ADGRV1: variants seen among roughly 807,000 people sequenced by gnomAD.
ADGRV1 encodes adhesion G protein-coupled receptor V1.
In ADGRV1, 359 loss-of-function variants were observed where a neutral mutation model predicts 596.2. That is an observed-to-expected ratio of 0.60 (90% CI 0.55 to 0.66). ADGRV1 has a LOEUF of 0.66. Ranked by LOEUF, ADGRV1 falls within the 30% of genes least tolerant of loss-of-function variation. The probability of loss-of-function intolerance (pLI) is 0.00; values close to 1 mark genes in which losing one functional copy is unlikely to be tolerated. For missense variants in ADGRV1, 7,274 were observed against 7,575.6 expected (o/e 0.96, Z 1.48); for synonymous variants, 2,681 against 2,679.2 (o/e 1.00, Z -0.02).
At chr5:90,846,564 C>A (rs894801289) in intron 78 of ADGRV1, 1 of 157,790 alleles carries the variant, frequency 6.3e-6, no homozygotes, top group South Asian at 2.0e-4. Context: ...TTTGTTCCTT[C>A]TGAGGTTCGG....
chr5:91,063,002 A>G (rs1787580174), intron 85 of ADGRV1, among the ~76,000 whole-genome samples: 1 of 122,420 alleles, frequency 8.2e-6, no homozygotes, highest in Non-Finnish European at 1.6e-5. Flanking sequence ...TCTGTTACCC[A>G]GGCTGGAGTG....
chr5:90,900,046 C>T (rs1463839938), intron 83 of ADGRV1, among the ~76,000 whole-genome samples: 5 of 152,120 alleles, frequency 3.3e-5, no homozygotes, highest in African/African-American at 9.7e-5. Flanking sequence ...TTTTTCTCAG[C>T]GAATTTCATG....
chr5:90,691,141 T>A, intron 31 of ADGRV1, 100 bp downstream of exon 31: 1 of 1,415,726 alleles, frequency 7.1e-7, no homozygotes, highest in Non-Finnish European at 1.0e-6. Flanking sequence ...GGATGTCAAA[T>A]AAATTATTCC....
chr5:90,771,475 T>C (rs75749947), intron 59 of ADGRV1, among the ~76,000 whole-genome samples: 2,074 of 152,280 alleles, frequency 0.014, 52 homozygotes, highest in African/African-American at 0.047. Context: ...AACTAACCAA[T>C]TTACAGACAT....
chr5:91,153,671 G>A (rs1384289691), intron 89 of ADGRV1, among the ~76,000 whole-genome samples: 1 of 152,196 alleles, frequency 6.6e-6, no homozygotes, highest in Admixed American at 6.5e-5. Context: ...AGAACACCAA[G>A]ATACTATTAA....
Position 90,776,566 on chromosome 5 carries a change from G to A in ADGRV1, c.12517G>A (p.Ala4173Thr), listed in dbSNP as rs759199541. The change falls in exon 61 of 90, where the codon GCT (alanine) becomes ACT (threonine). Residue 4173 changes from alanine to threonine, a missense_variant. Around this residue, in one of 5 missense-constraint regions of ADGRV1, gnomAD observed 3,643 missense variants for 3,809.2 expected, o/e 0.96. Transcript: ENST00000405460. ...GEPSAKYNGT[A>T]IISLVRGPGI... ...ACCCTCAGCAAAATATAATGGTACC[G>A]CTATTATCAGGTAAGGACTTCATGA... is the stretch of plus-strand genomic sequence containing the variant. 1.1e-5 allele frequency: 17 copies of A among 1,613,074 alleles called. No individual in the cohort carries two copies. The highest frequency in any genetic ancestry group is 4.5e-5 in the East Asian group (2 of 44,868).
chr5:91,083,128 A>C (rs1379012749), intron 86 of ADGRV1, among the ~76,000 whole-genome samples: 1 of 152,126 alleles, frequency 6.6e-6, no homozygotes, highest in Non-Finnish European at 1.5e-5. Context: ...ATTCTCAGCA[A>C]AGTGTCGCAA....
chr5:90,798,771 C>T (rs986559302), intron 70 of ADGRV1, among the ~76,000 whole-genome samples: 14 of 152,154 alleles, frequency 9.2e-5, no homozygotes, highest in African/African-American at 3.1e-4. Context: ...GCTGGTTCAA[C>T]ATATGCAAAT....
intron 60 of ADGRV1, among the ~76,000 whole-genome samples, chr5:90,774,905 T>A (rs1049248954): frequency 4.6e-5 from 7 of 152,202 alleles, no homozygotes; most frequent in Admixed American, 3.9e-4. Flanking sequence ...ACATTATTTT[T>A]AAATGTGTCA....
At chr5:91,043,515 T>C (rs1479541235) in intron 85 of ADGRV1, among the ~76,000 whole-genome samples, 1 of 152,118 alleles carries the variant, frequency 6.6e-6, no homozygotes. Context: ...AGACCAATGC[T>C]TGGGTTCAAA....
chr5:90,840,829 A>G lies in ADGRV1; in HGVS notation c.16863A>G (p.Ser5621=). 1 of 1,613,788 alleles carries G rather than the reference A, an allele frequency of 6.2e-7. No homozygotes were observed. The highest frequency in any genetic ancestry group is 8.5e-7 in the Non-Finnish European group (1 of 1,179,694). Residue 5621 remains serine, a synonymous_variant, in exon 78 of 90, where the codon TCA becomes TCG. Transcript: ENST00000405460. ...GGACTGCCAACATCACTCTTGTCTC[A>G]GATGCAGATTCGCAGGCCATTTGGG... ...VYGTANITLV[S]DADSQAIWGL... is the part of the protein sequence containing the mutation.
chr5:90,753,829 G>C lies in ADGRV1; in HGVS notation c.11377G>C (p.Glu3793Gln). ...CTTCATTAGAGTAGCAGAGCCTAAA[G>C]GTAAATATTGTTAAATATCTTTCAA... ...SVFIRVAEPK[E>Q]NTTTLQLQIA... The change falls in exon 54 of 90, where the codon GAA becomes CAA. Residue 3793 changes from glutamate (E) to glutamine (Q), a missense_variant and splice_region_variant. Glu to Gln is a conservative substitution (Grantham distance 29). Transcript: ENST00000405460. 6.3e-7 allele frequency: 1 copy of C among 1,589,310 alleles called. No individual in the cohort carries two copies. The highest frequency in any genetic ancestry group is 8.6e-7 in the Non-Finnish European group (1 of 1,166,416).
At chr5:90,632,494 A>G (rs1765629740) in intron 9 of ADGRV1, among the ~76,000 whole-genome samples, 1 of 152,198 alleles carries the variant, frequency 6.6e-6, no homozygotes, top group African/African-American at 2.4e-5. Flanking sequence ...CTGTACCAAT[A>G]TCAGTATCCT....
intron 21 of ADGRV1, among the ~76,000 whole-genome samples, chr5:90,666,292 G>T (rs181842278): frequency 6.6e-6 from 1 of 152,110 alleles, no homozygotes; most frequent in Non-Finnish European, 1.5e-5. Context: ...TTGAATGTGG[G>T]TGCTCCTTTG....
At chr5:91,138,414 AT>A (rs1794822019) in intron 87 of ADGRV1, among the ~76,000 whole-genome samples, 1 of 151,788 alleles carries the variant, frequency 6.6e-6, no homozygotes, top group African/African-American at 2.4e-5. Flanking sequence ...TTCAATTTTT[AT>A]TTTTTTAAGT....
At chr5:90,690,708 A>G in intron 30 of ADGRV1, 89 bp from the exon 31 acceptor site, 1 of 1,276,532 alleles carries the variant, frequency 7.8e-7, no homozygotes. Flanking sequence ...TTAGGGGGGA[A>G]GAGAATCCAC....
intron 10 of ADGRV1, among the ~76,000 whole-genome samples, chr5:90,635,757 T>C (rs1165658038): frequency 6.6e-6 from 1 of 151,986 alleles, no homozygotes; most frequent in Admixed American, 6.6e-5. Context: ...CTCCTGCCTA[T>C]TTTTTCTTTG....
chr5:91,106,204 C>G (rs1791861895), intron 87 of ADGRV1, among the ~76,000 whole-genome samples: 1 of 152,118 alleles, frequency 6.6e-6, no homozygotes, highest in Non-Finnish European at 1.5e-5. Context: ...TCCTAGCGAC[C>G]TTTATTGAAG....
chr5:90,791,176 AT>A lies in ADGRV1; in HGVS notation c.14348del (p.Ile4783ThrfsTer5), dbSNP rs1487079641. The A allele has an allele frequency of 1.2e-6, 2 of 1,613,840 alleles. No individual in the cohort carries two copies. The highest frequency in any genetic ancestry group is 2.7e-5 in the African/African-American group (2 of 74,930). ...ILIGQNLIRS[I>X]QINITRLAGT... ...TATTGGGCAGAACCTTATTAGATCCATCCAAATTAACATAACCCGGCTTGCT... is the reference window on the plus strand; with the variant it reads ...TATTGGGCAGAACCTTATTAGATCCACCAAATTAACATAACCCGGCTTGCT... On this transcript the variant is annotated frameshift_variant, in exon 70 of 90. Transcript: ENST00000405460. LOFTEE classifies it high-confidence loss of function.
Sources: gnomAD v4.1 joint callset for allele counts (sites outside exome capture counted in the v4.1 genomes callset) on GRCh38, gnomAD v4.1.1 for gene constraint, gnomAD v4.1.1 regional missense constraint, MANE v1.5 for transcripts, NCBI Gene and HGNC (gene_info 2026-07-23, HGNC 2026-07-21) for gene names.